Variants in CPSF1 observed in about 807,000 individuals in gnomAD.
CPSF1 encodes the protein cleavage and polyadenylation specific factor 1.
A neutral mutation model predicts 175.8 loss-of-function variants in CPSF1; 106 were observed. The observed-to-expected ratio is 0.60, with a 90% CI of 0.52 to 0.71. The LOEUF is 0.71. Among genes scored for constraint, CPSF1 ranks in the 30% least tolerant of loss-of-function variants. The probability of loss-of-function intolerance (pLI) is 0.00; values close to 1 mark genes in which losing one functional copy is unlikely to be tolerated. For synonymous variants in CPSF1, 1,024 were observed against 858.3 expected, an observed-to-expected ratio of 1.19 and a Z score of -3.37; for missense variants, 1,734 against 2,022.9, an observed-to-expected ratio of 0.86 and a Z score of 2.74.
chr8:144,400,871 G>A (rs2116879350), intron 6 of CPSF1, 53 bp downstream of exon 6: 18 of 1,605,930 alleles, frequency 1.1e-5, no homozygotes, highest in Admixed American at 8.4e-5. Context: ...AGGGGAGCTC[G>A]GGCTCTGGCG....
intron 6 of CPSF1, 32 bp downstream of exon 6, chr8:144,400,892 C>T (rs2116879489): frequency 6.2e-7 from 1 of 1,604,114 alleles, no homozygotes; most frequent in African/African-American, 1.3e-5. Flanking sequence ...CCTCCCACCC[C>T]AGCACCACAG....
rs1820863523 is a variant in CPSF1, at chr8:144,397,778, ACTGCGGCCCCCGAGCTCGT to A, written c.2156_2174del (p.Asp719ValfsTer84). 19 of 1,608,072 alleles carry A rather than the reference ACTGCGGCCCCCGAGCTCGT, an allele frequency of 1.2e-5. No homozygotes were observed. The highest frequency in any genetic ancestry group is 1.6e-5 in the Non-Finnish European group (19 of 1,177,970). ...AGCCCAGGCCCTCGGCCTCCGGGCCACTGCGGCCCCCGAGCTCGTCACGGGCCCCACCCAGGCGGCTCTC... is the reference window on the plus strand; with the variant it reads ...AGCCCAGGCCCTCGGCCTCCGGGCCACACGGGCCCCACCCAGGCGGCTCTC... On this transcript the variant is annotated frameshift_variant, in exon 21 of 38. Coordinates refer to ENST00000616140, the MANE Select transcript of CPSF1 (RefSeq NM_013291.3). LOFTEE classifies it high-confidence loss of function.
At position 144,395,131 on chromosome 8, in the gene CPSF1, G is replaced by T. The variant is rs1222181111; in HGVS notation, c.3239C>A (p.Ser1080Tyr). 3.7e-6 allele frequency: 6 copies of T among 1,612,320 alleles called. No individual in the cohort carries two copies. The highest frequency in any genetic ancestry group is 5.1e-6 in the Non-Finnish European group (6 of 1,179,444). Reference protein sequence around the residue: ...QQEAFSIQLISPVSWEAIPNA... With the variant: ...QQEAFSIQLIYPVSWEAIPNA... ...GGGAATAGCCTCCCAGCTGACCGGG[G>T]AGATGAGCTGGATGGAGAAGGCCTC... is the stretch of plus-strand genomic sequence containing the variant. The change falls in exon 29 of 38, where the codon TCC becomes TAC. Residue 1080 changes from serine (S) to tyrosine (Y), a missense_variant. Physicochemically the swap from Ser to Tyr is moderately radical, Grantham distance 144. Transcript: ENST00000616140.
chr8:144,402,074 G>A (rs1171514087), intron 2 of CPSF1, among the ~76,000 whole-genome samples: 10 of 152,190 alleles, frequency 6.6e-5, no homozygotes, highest in African/African-American at 2.4e-4. Context: ...AGAGCCAAGG[G>A]GTATCTGTAG....
At chr8:144,398,229 C>T in intron 19 of CPSF1, 73 bp downstream of exon 19, 1 of 1,087,928 alleles carries the variant, frequency 9.2e-7, no homozygotes, top group Admixed American at 2.8e-5. Context: ...AACCACCTCC[C>T]CCCCACCGTC....
In CPSF1 at chr8:144,398,380, T is replaced by A; in HGVS notation, c.1816A>T (p.Thr606Ser). The change falls in exon 19 of 38, where the codon ACG (threonine) becomes TCG (serine). Residue 606 changes from threonine (T) to serine (S), a missense_variant. By Grantham distance (58) the Thr-to-Ser change is moderately conservative. Transcript: ENST00000616140. ...DTSGFATQGPTVFAGNIGDNR... is the reference protein window; with the variant it reads ...DTSGFATQGPSVFAGNIGDNR... ...TCCCCGATGTTCCCAGCAAAGACCGTGGGGCCCTGAGTGGCGAAGCCACTG... is the reference window on the plus strand; with the variant it reads ...TCCCCGATGTTCCCAGCAAAGACCGAGGGGCCCTGAGTGGCGAAGCCACTG... The A allele has an allele frequency of 6.2e-7, 1 of 1,612,012 alleles. No homozygotes were observed. Among genetic ancestry groups the A allele is most frequent in the Non-Finnish European group, 8.5e-7 (1 of 1,179,328 alleles).
At chr8:144,407,155 T>A (rs1379766461) in intron 2 of CPSF1, among the ~76,000 whole-genome samples, 1 of 151,788 alleles carries the variant, frequency 6.6e-6, no homozygotes, top group Admixed American at 6.6e-5. Flanking sequence ...CCTCAGGTGA[T>A]CTACTACCTG....
chr8:144,400,212 G>A lies in CPSF1; in HGVS notation c.891C>T (p.Gly297=), dbSNP rs201117878. 6.5e-6 allele frequency: 10 copies of A among 1,539,060 alleles called. 1 individual carries two copies. In the East Asian group the frequency reaches 9.7e-5, roughly 15 times the overall value. Reference sequence around the variant, plus strand: ...CTGTGGTGAGGCTGTTGAGAGCCACGCCATACGGGGGGACGCTCTGGTTCA... The same window carrying A: ...CTGTGGTGAGGCTGTTGAGAGCCACACCATACGGGGGGACGCTCTGGTTCA... The part of the protein sequence containing the change: ...LYLNQSVPPY[G]VALNSLTTGT... The change falls in exon 9 of 38, where the codon GGC becomes GGT. Residue 297 remains glycine, a synonymous_variant. Coordinates refer to ENST00000616140, the MANE Select transcript of CPSF1 (RefSeq NM_013291.3).
rs118182362 is a variant in CPSF1, at chr8:144,393,732, C to T, written c.4080G>A (p.Leu1360=). 1.8e-3 allele frequency: 2,837 copies of T among 1,575,046 alleles called. 2 individuals carry two copies. The highest frequency in any genetic ancestry group is 2.1e-3 in the Non-Finnish European group (2,507 of 1,167,000). Residue 1360 remains leucine, a synonymous_variant, in exon 36 of 38, where the codon CTG becomes CTA. Transcript: ENST00000616140. The stretch of plus-strand genomic sequence containing the variant: ...TGGTGGTCAGCGCGTTCTGCAGCAT[C>T]AGCAGCCGCCGGTAGGTCTTCTCCT... ...PMQEKTYRRL[L]MLQNALTTML...
In CPSF1 at chr8:144,400,963, T is replaced by A; in HGVS notation, c.500A>T (p.Glu167Val). Residue 167 changes from glutamate (E) to valine (V), a missense_variant, in exon 6 of 38, where the codon GAG becomes GTG. This residue lies in a region of CPSF1 where 122 missense variants were observed against 177.2 expected (regional missense o/e 0.69). Coordinates refer to ENST00000616140, the MANE Select transcript of CPSF1 (RefSeq NM_013291.3). ...TRLVVLPFRR[E>V]SLAEEHEGLV... ...CCCCTCGTGCTCCTCAGCCAGGCTC[T>A]CCCTGCGGAAGGGCAGGACCACCAG... is the stretch of plus-strand genomic sequence containing the variant. 6.2e-7 allele frequency: 1 copy of A among 1,608,970 alleles called. No homozygotes were observed. Among genetic ancestry groups the A allele is most frequent in the South Asian group, 1.1e-5 (1 of 90,792 alleles).
chr8:144,398,821 G>A lies in CPSF1; in HGVS notation c.1596C>T (p.Cys532=). 6.2e-7 allele frequency: 1 copy of A among 1,608,966 alleles called. No individual in the cohort carries two copies. The highest frequency in any genetic ancestry group is 2.2e-5 in the East Asian group (1 of 44,736). ...GGGCGATGACTGTCCACATGTCATA[G>A]CAGCCGGGAAGCTCAAAGGTTGTCA... is the stretch of plus-strand genomic sequence containing the variant. ...QVVTTFELPG[C]YDMWTVIAPV... Residue 532 remains cysteine, a synonymous_variant, in exon 17 of 38, where the codon TGC becomes TGT. Coordinates refer to ENST00000616140, the MANE Select transcript of CPSF1 (RefSeq NM_013291.3).
chr8:144,393,991 G>C lies in CPSF1; in HGVS notation c.3907C>G (p.His1303Asp). The change falls in exon 35 of 38, where the codon CAC becomes GAC. Residue 1303 changes from histidine (H) to aspartate (D), a missense_variant. This residue lies in a region of CPSF1 where 323 missense variants were observed against 338.5 expected (regional missense o/e 0.95). Coordinates refer to ENST00000616140, the MANE Select transcript of CPSF1 (RefSeq NM_013291.3). Reference protein sequence around the residue: ...GMRLLRRADFHVGAHVNTFWR... With the variant: ...GMRLLRRADFDVGAHVNTFWR... The stretch of plus-strand genomic sequence containing the variant: ...AACGTGTTCACGTGGGCACCCACGT[G>C]GAAGTCTGCCCGACGCAGCAGGCGC... 2.5e-6 allele frequency: 4 copies of C among 1,613,448 alleles called. No homozygotes were observed. The highest frequency in any genetic ancestry group is 3.4e-6 in the Non-Finnish European group (4 of 1,179,772).
chr8:144,395,225 G>C, intron 28 of CPSF1, 40 bp downstream of exon 28: 1 of 1,612,828 alleles, frequency 6.2e-7, no homozygotes, highest in Non-Finnish European at 8.5e-7. Context: ...GCTTCCCCAA[G>C]ATGCGGCTGA....
intron 2 of CPSF1, among the ~76,000 whole-genome samples, chr8:144,406,468 A>T (rs1554869113): frequency 6.6e-6 from 1 of 151,828 alleles, no homozygotes; most frequent in Admixed American, 6.6e-5. Flanking sequence ...AGGCCATGCC[A>T]CCTCCAGCTC....
At chr8:144,398,905 T>TGA in intron 16 of CPSF1, 37 bp from the exon 17 acceptor site, 1 of 1,609,582 alleles carries the variant, frequency 6.2e-7, no homozygotes. Flanking sequence ...GATGGGGGTG[T>TGA]GAGCCCACCC....
In CPSF1 at chr8:144,393,850, C is replaced by A. The variant is rs1206402445; in HGVS notation, c.4015+33G>T. 2.5e-6 allele frequency: 4 copies of A among 1,601,236 alleles called. No homozygotes were observed. In the African/African-American group the frequency reaches 4.0e-5, roughly 16 times the overall value. On this transcript the variant is annotated intron_variant, in intron 35 of 37. Coordinates refer to ENST00000616140, the MANE Select transcript of CPSF1 (RefSeq NM_013291.3). ...GTGAGCCAGGCCAACCCTAGGGCCC[C>A]CCACCCAGACACACCTGCTCCCCCA... is the stretch of plus-strand genomic sequence containing the variant.
In CPSF1 at chr8:144,398,763, G is replaced by A. The variant is rs2116854439; in HGVS notation, c.1638+16C>T. The A allele has an allele frequency of 1.3e-6, 2 of 1,590,534 alleles. No homozygotes were observed. Among genetic ancestry groups the A allele is most frequent in the Admixed American group, 1.7e-5 (1 of 58,774 alleles). The stretch of plus-strand genomic sequence containing the variant: ...GGTCCCATCCCAGGGCCTCCCTGCA[G>A]CAGGCTCGCACCTACCTCCTCCTTA... On this transcript the variant is annotated intron_variant, in intron 17 of 37. Coordinates refer to ENST00000616140, the MANE Select transcript of CPSF1 (RefSeq NM_013291.3).
At chr8:144,402,089 T>C (rs1554867455) in intron 2 of CPSF1, among the ~76,000 whole-genome samples, 1 of 152,216 alleles carries the variant, frequency 6.6e-6, no homozygotes, top group Non-Finnish European at 1.5e-5. Flanking sequence ...CTGTAGCTAC[T>C]GATCTGCGTG....
At position 144,400,364 on chromosome 8, in the gene CPSF1, G is replaced by C. The variant is rs2116874701; in HGVS notation, c.816C>G (p.Pro272=). ...TCCCAGGACACACACCTATGGGCTT[G>C]GGCACAGCCAGAGCCTGGGTGCAGT... is the stretch of plus-strand genomic sequence containing the variant. ...PFDCTQALAV[P]KPIGGVVVFA... Residue 272 remains proline (P), a synonymous_variant, in exon 8 of 38, where the codon CCC becomes CCG. Transcript: ENST00000616140. 1 of 1,613,922 alleles carries C rather than the reference G, an allele frequency of 6.2e-7. No individual in the cohort carries two copies. Among genetic ancestry groups the C allele is most frequent in the Admixed American group, 1.7e-5 (1 of 60,016 alleles).
Sources: allele counts gnomAD v4.1 joint callset (sites outside exome capture counted in the v4.1 genomes callset), GRCh38; gene constraint gnomAD v4.1.1; regional missense constraint gnomAD v4.1.1; transcripts MANE v1.5; gene names NCBI Gene and HGNC (gene_info 2026-07-23, HGNC 2026-07-21).